The following CTNNA2 variants were observed in gnomAD, a reference collection of about 807,000 sequenced individuals.
CTNNA2 encodes the protein catenin alpha-2.
A neutral mutation model predicts 101.0 loss-of-function variants in CTNNA2; 42 were observed. The ratio of observed to expected loss-of-function variants is 0.42; its 90% CI spans 0.32 to 0.54. The LOEUF is 0.54. CTNNA2 is among the 20% of genes least tolerant of loss of function. CTNNA2 has a pLI of 0.14. For synonymous variants in CTNNA2, 450 were observed against 456.4 expected, an observed-to-expected ratio of 0.99 and a Z score of 0.18; for missense variants, 871 against 1,223.1, an observed-to-expected ratio of 0.71 and a Z score of 4.29.
At chr2:80,241,288 T>A (rs1460828598) in intron 7 of CTNNA2, among the ~76,000 whole-genome samples, 1 of 151,648 alleles carries the variant, frequency 6.6e-6, no homozygotes, top group Non-Finnish European at 1.5e-5. Flanking sequence ...CCAGGAAAAT[T>A]GAGACATATA....
intron 2 of CTNNA2, among the ~76,000 whole-genome samples, chr2:79,672,421 C>G (rs1682901972): frequency 6.6e-6 from 1 of 151,906 alleles, no homozygotes; most frequent in African/African-American, 2.4e-5. Context: ...TCCAATTATT[C>G]CCTTTTTTTG....
chr2:79,434,255 A>G (rs1159597), intron 4 of CTNNA2, among the ~76,000 whole-genome samples: 103,227 of 148,720 alleles, frequency 0.69, 36,894 homozygotes, highest in African/African-American at 0.87. Flanking sequence ...CTATAATCAT[A>G]CAGCTACACT....
intron 3 of CTNNA2, among the ~76,000 whole-genome samples, chr2:79,845,927 G>A (rs1397564473): frequency 6.6e-6 from 1 of 152,134 alleles, no homozygotes; most frequent in African/African-American, 2.4e-5. Flanking sequence ...CCACAGTTTA[G>A]TAAAGAGGCC....
intron 7 of CTNNA2, among the ~76,000 whole-genome samples, chr2:80,061,434 C>T (rs1038035757): frequency 6.6e-6 from 1 of 152,128 alleles, no homozygotes; most frequent in African/African-American, 2.4e-5. Flanking sequence ...AAACATTCTA[C>T]AATGAGCAAC....
At chr2:79,987,767 A>G (rs913282554) in intron 7 of CTNNA2, among the ~76,000 whole-genome samples, 2 of 152,230 alleles carry the variant, frequency 1.3e-5, no homozygotes, top group African/African-American at 2.4e-5. Flanking sequence ...CTAAATGGCT[A>G]AAAGCTATAT....
At chr2:80,616,470 T>G (rs1420376855) in intron 17 of CTNNA2, 1 of 151,740 alleles carries the variant, frequency 6.6e-6, no homozygotes, top group Non-Finnish European at 1.5e-5. Context: ...GGAATGCACA[T>G]GTTATTCCAC....
chr2:80,550,262 T>TA (rs1389315353), intron 11 of CTNNA2, among the ~76,000 whole-genome samples: 1 of 152,180 alleles, frequency 6.6e-6, no homozygotes, highest in Non-Finnish European at 1.5e-5. Flanking sequence ...ACTTCATTTC[T>TA]AAAAAATGCT....
chr2:79,280,500 G>A (rs1021647829), intron 2 of CTNNA2, among the ~76,000 whole-genome samples: 2 of 151,986 alleles, frequency 1.3e-5, no homozygotes, highest in African/African-American at 4.8e-5. Flanking sequence ...AGGGGGTCCT[G>A]GTTCCTCCAC....
At chr2:79,262,454 A>G (rs1390842318) in intron 2 of CTNNA2, among the ~76,000 whole-genome samples, 1 of 152,312 alleles carries the variant, frequency 6.6e-6, no homozygotes, top group East Asian at 1.9e-4. Flanking sequence ...CAAATCCTAA[A>G]AAATATTTCA....
chr2:80,372,197 A>G (rs957603562), intron 7 of CTNNA2, among the ~76,000 whole-genome samples: 14 of 152,260 alleles, frequency 9.2e-5, no homozygotes, highest in Non-Finnish European at 1.9e-4. Flanking sequence ...ACTCTCAAAC[A>G]TAAGGCCAAT....
At chr2:79,928,451 C>G (rs115043585) in intron 7 of CTNNA2, among the ~76,000 whole-genome samples, 126 of 152,266 alleles carry the variant, frequency 8.3e-4, no homozygotes, top group Non-Finnish European at 1.5e-3. Context: ...CAGAAATATA[C>G]TATTCTATTC....
At chr2:80,620,252 C>G (rs904180783) in intron 18 of CTNNA2, among the ~76,000 whole-genome samples, 1 of 147,850 alleles carries the variant, frequency 6.8e-6, no homozygotes, top group East Asian at 2.0e-4. Context: ...GGTATCATCC[C>G]TTTTTTTTTT....
rs113917223 is a variant in CTNNA2, at chr2:79,831,550, T to G, written c.299-26463T>G. Among the ~76,000 whole-genome samples the G allele has an allele frequency of 1.4e-3, 207 of 152,254 alleles. 1 individual carries two copies. Among genetic ancestry groups the G allele is most frequent in the African/African-American group, 4.5e-3 (188 of 41,546 alleles). ...TTGACTCCTTCCCACAATTTTGCCT[T>G]AATACAATTTAACTCCAAAATCATA... On this transcript the variant is annotated intron_variant, in intron 3 of 18. Transcript: ENST00000402739.
At chr2:80,243,858 A>T (rs1671127789) in intron 7 of CTNNA2, among the ~76,000 whole-genome samples, 1 of 152,108 alleles carries the variant, frequency 6.6e-6, no homozygotes, top group Non-Finnish European at 1.5e-5. Flanking sequence ...GAACAACCAA[A>T]CCCTTTTCCA....
intron 2 of CTNNA2, among the ~76,000 whole-genome samples, chr2:79,268,255 G>A (rs1675012960): frequency 6.6e-6 from 1 of 152,110 alleles, no homozygotes; most frequent in South Asian, 2.1e-4. Context: ...TGGTCAGCAA[G>A]ATCAGAATAA....
At chr2:79,365,255 C>A (rs1677719179) in intron 3 of CTNNA2, among the ~76,000 whole-genome samples, 1 of 150,696 alleles carries the variant, frequency 6.6e-6, no homozygotes, top group African/African-American at 2.4e-5. Flanking sequence ...CCAGCCTGGG[C>A]AACAGAGCGA....
Position 80,183,133 on chromosome 2 carries a change from G to A in CTNNA2, c.1057-210078G>A, listed in dbSNP as rs76403489. ...CTGGAAATTCTGCCTGCTTCCCACC[G>A]CTAAATGTCAATAGATCCCCCCAGA... On this transcript the variant is annotated intron_variant, in intron 7 of 18. Coordinates refer to ENST00000402739, the MANE Select transcript of CTNNA2 (RefSeq NM_001282597.3). Among the ~76,000 whole-genome samples the A allele has an allele frequency of 7.0e-3, 1,065 of 152,078 alleles. 11 individuals are homozygous for A. Among genetic ancestry groups the A allele is most frequent in the African/African-American group, 0.024 (1,002 of 41,470 alleles).
At chr2:79,488,980 C>G (rs943165663) in intron 4 of CTNNA2, among the ~76,000 whole-genome samples, 1 of 152,156 alleles carries the variant, frequency 6.6e-6, no homozygotes, top group Non-Finnish European at 1.5e-5. Context: ...CTGTTTTCTT[C>G]TCTACTTTAT....
intron 17 of CTNNA2, chr2:80,612,974 G>C (rs1268346472): frequency 6.6e-6 from 1 of 151,426 alleles, no homozygotes; most frequent in Non-Finnish European, 1.5e-5. Flanking sequence ...CCTTATGTAG[G>C]AAAAGTTGCA....
Sources: allele counts gnomAD v4.1 joint callset (sites outside exome capture counted in the v4.1 genomes callset), GRCh38; gene constraint gnomAD v4.1.1; transcripts MANE v1.5; gene names NCBI Gene and HGNC (gene_info 2026-07-23, HGNC 2026-07-21).